The following UNC13C variants were observed in gnomAD, a reference collection of about 807,000 sequenced individuals.
UNC13C encodes protein unc-13 homolog C.
UNC13C carries 174 observed loss-of-function variants against 245.4 expected under a neutral mutation model. The observed-to-expected ratio is 0.71, with a 90% confidence interval of 0.63 to 0.80. The LOEUF is 0.80. UNC13C is among the 30% of genes least tolerant of loss of function. The pLI is 0.00. For synonymous variants in UNC13C, 992 were observed against 895.1 expected (o/e 1.11, Z -1.93); for missense variants, 2,829 against 2,602.9 (o/e 1.09, Z -1.89).
intron 2 of UNC13C, among the ~76,000 whole-genome samples, chr15:54,134,585 T>A (rs1476595074): frequency 6.6e-6 from 1 of 152,148 alleles, no homozygotes; most frequent in Admixed American, 6.5e-5. Flanking sequence ...AGTGGCGCGA[T>A]CTCAGCTCAC....
At position 54,235,047 on chromosome 15, in the gene UNC13C, A is replaced by G; in HGVS notation, c.3089A>G (p.Tyr1030Cys). 1.9e-6 allele frequency: 3 copies of G among 1,613,912 alleles called. No individual in the cohort carries two copies. The highest frequency in any genetic ancestry group is 1.3e-5 in the African/African-American group (1 of 75,032). The change falls in exon 5 of 33, where the codon TAT (tyrosine) becomes TGT (cysteine). Residue 1030 changes from tyrosine to cysteine, a missense_variant. Coordinates refer to ENST00000260323, the MANE Select transcript of UNC13C (RefSeq NM_001080534.3). ...TCTTTCAGGGCTGGAGGTGGACTTT[A>G]TGGTATTGACAGCATGCCGGATCTT... ...QVCGGAGGGL[Y>C]GIDSMPDLRR...
chr15:53,878,679 T>TA, the UNC13C span, among the ~76,000 whole-genome samples: 3 of 150,760 alleles, frequency 2.0e-5, no homozygotes, highest in Admixed American at 6.6e-5. Context: ...AAGCTATCCT[T>TA]AAAAAAAAAG....
intron 30 of UNC13C, among the ~76,000 whole-genome samples, chr15:54,592,867 T>G (rs1212801230): frequency 4.0e-5 from 6 of 149,878 alleles, no homozygotes; most frequent in South Asian, 2.1e-4. Context: ...TTTTTTGTTT[T>G]TTTTTTTTTT....
chr15:54,158,812 G>A (rs2032858730), intron 4 of UNC13C, among the ~76,000 whole-genome samples: 1 of 151,322 alleles, frequency 6.6e-6, no homozygotes. Flanking sequence ...ACCACACCCA[G>A]CTAATTTAAA....
At chr15:53,901,619 G>A in the UNC13C span, among the ~76,000 whole-genome samples, 5 of 152,128 alleles carry the variant, frequency 3.3e-5, no homozygotes, top group South Asian at 1.0e-3. Context: ...TCCTTATAAT[G>A]AATAATGTTG....
intron 19 of UNC13C, among the ~76,000 whole-genome samples, chr15:54,493,012 T>C (rs1327373945): frequency 3.9e-5 from 6 of 152,162 alleles, no homozygotes; most frequent in East Asian, 1.9e-4. Context: ...TCCCAAGTGA[T>C]AGAGGAGCCC....
intron 4 of UNC13C, among the ~76,000 whole-genome samples, chr15:54,184,286 T>G (rs1334852766): frequency 6.6e-6 from 1 of 152,084 alleles, no homozygotes; most frequent in East Asian, 1.9e-4. Context: ...ATTATTATAC[T>G]TTAAGTTTCA....
At chr15:54,359,762 A>G (rs1176767212) in intron 17 of UNC13C, among the ~76,000 whole-genome samples, 1 of 151,714 alleles carries the variant, frequency 6.6e-6, no homozygotes, top group Non-Finnish European at 1.5e-5. Context: ...ACACTAACTA[A>G]AGGTTTATAA....
chr15:54,073,236 A>G (rs1451853859), intron 2 of UNC13C, among the ~76,000 whole-genome samples: 1 of 152,128 alleles, frequency 6.6e-6, no homozygotes, highest in Non-Finnish European at 1.5e-5. Context: ...TCTGCATAGT[A>G]TTCTGTGGTG....
At chr15:54,099,084 C>T (rs188752807) in intron 2 of UNC13C, among the ~76,000 whole-genome samples, 24 of 152,246 alleles carry the variant, frequency 1.6e-4, no homozygotes, top group African/African-American at 5.3e-4. Flanking sequence ...TCAAATATGT[C>T]CAAAGATGTT....
chr15:54,382,889 A>G (rs2039757700), intron 17 of UNC13C, among the ~76,000 whole-genome samples: 1 of 152,174 alleles, frequency 6.6e-6, no homozygotes, highest in Non-Finnish European at 1.5e-5. Context: ...TTTGAAATAC[A>G]AAAGATCACC....
chr15:54,606,656 A>T (rs1326320004), intron 30 of UNC13C, among the ~76,000 whole-genome samples: 2 of 152,200 alleles, frequency 1.3e-5, no homozygotes, highest in Non-Finnish European at 2.9e-5. Flanking sequence ...TAAAAGGAAA[A>T]AACTATTTCA....
chr15:54,320,177 T>G (rs1033343115), intron 13 of UNC13C, among the ~76,000 whole-genome samples: 1 of 151,980 alleles, frequency 6.6e-6, no homozygotes, highest in Non-Finnish European at 1.5e-5. Context: ...CTTGCTACTT[T>G]ACAACTGTGA....
At chr15:54,375,794 G>A (rs1388574419) in intron 17 of UNC13C, among the ~76,000 whole-genome samples, 1 of 152,194 alleles carries the variant, frequency 6.6e-6, no homozygotes, top group African/African-American at 2.4e-5. Context: ...GCCAGCCAAT[G>A]GCTAGATTGC....
intron 2 of UNC13C, among the ~76,000 whole-genome samples, chr15:54,073,918 G>A (rs968583688): frequency 7.2e-5 from 11 of 152,004 alleles, no homozygotes; most frequent in Admixed American, 1.3e-4. Context: ...TTTTGTTGCC[G>A]TTGTTTTTGG....
At chr15:54,599,368 T>C (rs1228317864) in intron 30 of UNC13C, among the ~76,000 whole-genome samples, 1 of 152,092 alleles carries the variant, frequency 6.6e-6, no homozygotes, top group Non-Finnish European at 1.5e-5. Flanking sequence ...TTCTTCTGCA[T>C]TTGATGCCTT....
intron 19 of UNC13C, among the ~76,000 whole-genome samples, chr15:54,462,083 G>T (rs572635240): frequency 2.6e-5 from 4 of 152,284 alleles, no homozygotes; most frequent in African/African-American, 9.6e-5. Flanking sequence ...GCACAAAATA[G>T]ATAAGGATTT....
chr15:54,185,072 A>C (rs1342727213), intron 4 of UNC13C, among the ~76,000 whole-genome samples: 3 of 152,152 alleles, frequency 2.0e-5, no homozygotes, highest in African/African-American at 7.2e-5. Context: ...TCTTCTTTTG[A>C]GAAGTGTCCA....
intron 2 of UNC13C, among the ~76,000 whole-genome samples, chr15:54,038,517 T>C (rs1002477800): frequency 6.6e-6 from 1 of 152,188 alleles, no homozygotes; most frequent in Non-Finnish European, 1.5e-5. Context: ...ATTAATGTTA[T>C]CTCCCATTTA....
Sources: allele counts gnomAD v4.1 joint callset (sites outside exome capture counted in the v4.1 genomes callset), GRCh38; gene constraint gnomAD v4.1.1; transcripts MANE v1.5; gene names NCBI Gene and HGNC (gene_info 2026-07-23, HGNC 2026-07-21).